Variants in SDK1 observed in about 807,000 individuals in gnomAD.
The protein encoded by SDK1 is sidekick cell adhesion molecule 1, also known as protein sidekick-1.
SDK1 carries 157 observed loss-of-function variants against 245.5 expected under a neutral mutation model. That is an observed-to-expected ratio of 0.64 (90% CI 0.56 to 0.73). SDK1 has a LOEUF of 0.73. Ranked by LOEUF, SDK1 falls within the 30% of genes least tolerant of loss-of-function variation. SDK1 has a pLI of 0.00. For synonymous variants in SDK1, 1,647 were observed against 1,278.5 expected (o/e 1.29, Z -6.15); for missense variants, 3,583 against 3,002.3 (o/e 1.19, Z -4.52).
At chr7:3,979,947 G>T (rs1206508519) in intron 13 of SDK1, among the ~76,000 whole-genome samples, 1 of 152,142 alleles carries the variant, frequency 6.6e-6, no homozygotes, top group Non-Finnish European at 1.5e-5. Context: ...AATTTACAGA[G>T]CTGACTTGGA....
intron 22 of SDK1, among the ~76,000 whole-genome samples, chr7:4,088,212 G>C (rs1781550143): frequency 6.6e-6 from 1 of 152,194 alleles, no homozygotes; most frequent in African/African-American, 2.4e-5. Flanking sequence ...TCTCTTGTTA[G>C]TTGGTTAGTT....
rs190230328 is a variant in SDK1 at position 3,314,024 on chromosome 7, C to T, written c.298+12140C>T. 1.3e-3 allele frequency among the ~76,000 whole-genome samples: 192 copies of T among 152,226 alleles called. 3 individuals are homozygous for T. Among genetic ancestry groups the T allele is most frequent in the African/African-American group, 4.5e-3 (186 of 41,526 alleles). On this transcript the variant is annotated intron_variant, in intron 1 of 44. Transcript: ENST00000404826. ...GTATAGTGATCAATAACAGTTGCTT[C>T]CTTCAGAGAGCTTATAGTTTATTAG...
At position 4,012,549 on chromosome 7, in the gene SDK1, CTTTTTTTTTTTTTTTTTTTTTTTTTTT is replaced by C. The variant is rs777199429; in HGVS notation, c.2420+331_2420+357del. On this transcript the variant is annotated intron_variant, in intron 16 of 44. Coordinates refer to ENST00000404826, the MANE Select transcript of SDK1 (RefSeq NM_152744.4). Reference sequence around the variant, plus strand: ...GCAAGGTATATTGTTCAATGTGAAGCTTTTTTTTTTTTTTTTTTTTTTTTTTTTTTTTTTTTTTTTTTTGATGGAGTT... The same window carrying C: ...GCAAGGTATATTGTTCAATGTGAAGCTTTTTTTTTTTTTTTTGATGGAGTT... Among the ~76,000 whole-genome samples the C allele has an allele frequency of 7.3e-4, 19 of 25,990 alleles. 1 individual carries two copies. In the East Asian group the frequency reaches 9.6e-3, roughly 13 times the overall value. 17.1% of individuals were successfully genotyped at this position (25,990 alleles called of 152,430 possible).
chr7:3,657,214 A>G (rs560337291), intron 4 of SDK1, among the ~76,000 whole-genome samples: 1 of 152,308 alleles, frequency 6.6e-6, no homozygotes, highest in Middle Eastern at 3.4e-3. Flanking sequence ...GGCTGGGGCC[A>G]TGAGGAGGCT....
chr7:3,443,101 T>C (rs1224810756), intron 1 of SDK1, among the ~76,000 whole-genome samples: 1 of 151,872 alleles, frequency 6.6e-6, no homozygotes, highest in Admixed American at 6.6e-5. Context: ...AAGAGAAAAG[T>C]TTCAGGGTTA....
intron 17 of SDK1, among the ~76,000 whole-genome samples, chr7:4,040,143 G>A (rs1056768271): frequency 8.5e-5 from 13 of 152,096 alleles, no homozygotes; most frequent in African/African-American, 3.1e-4. Context: ...GGGCTGTACC[G>A]GGCTTTATAA....
At chr7:3,559,762 A>T (rs1779692330) in intron 1 of SDK1, among the ~76,000 whole-genome samples, 1 of 151,800 alleles carries the variant, frequency 6.6e-6, no homozygotes, top group Non-Finnish European at 1.5e-5. Flanking sequence ...TTTTTCAAAA[A>T]AAAAAAAAAA....
intron 1 of SDK1, among the ~76,000 whole-genome samples, chr7:3,593,081 G>GC (rs1206966572): frequency 6.6e-6 from 1 of 152,208 alleles, no homozygotes; most frequent in African/African-American, 2.4e-5. Flanking sequence ...CCTCTGTCCT[G>GC]CTAATGGGGA....
intron 1 of SDK1, among the ~76,000 whole-genome samples, chr7:3,390,188 T>C (rs771786404): frequency 2.0e-5 from 3 of 152,192 alleles, no homozygotes; most frequent in Non-Finnish European, 4.4e-5. Context: ...AACTGTGGTC[T>C]GCAGCTTCAG....
At chr7:3,881,002 GAA>G (rs1193611102) in intron 5 of SDK1, among the ~76,000 whole-genome samples, 1 of 152,196 alleles carries the variant, frequency 6.6e-6, no homozygotes, top group African/African-American at 2.4e-5. Context: ...GAGAACAAAA[GAA>G]AAGAGAGACC....
intron 1 of SDK1, among the ~76,000 whole-genome samples, chr7:3,585,291 C>A (rs1432988895): frequency 6.6e-6 from 1 of 151,684 alleles, no homozygotes; most frequent in Non-Finnish European, 1.5e-5. Flanking sequence ...TTGTAATAGA[C>A]CAGACAAGAA....
At chr7:3,485,700 T>TTTTTTTTTTTTTTTTTTTTTTTTTTTC (rs1583931597) in intron 1 of SDK1, among the ~76,000 whole-genome samples, 1 of 144,944 alleles carries the variant, frequency 6.9e-6, no homozygotes, top group Non-Finnish European at 1.5e-5. Context: ...TTTTTTTTTT[T>TTTTTTTTTTTTTTTTTTTTTTTTTTTC]TTTTTGAGCC....
intron 1 of SDK1, among the ~76,000 whole-genome samples, chr7:3,559,646 G>A (rs1222813767): frequency 6.6e-6 from 1 of 150,860 alleles, no homozygotes; most frequent in Non-Finnish European, 1.5e-5. Context: ...CAGTAGTGTT[G>A]ACACAACTCA....
At chr7:3,767,543 C>G (rs577069402) in intron 4 of SDK1, among the ~76,000 whole-genome samples, 2 of 151,974 alleles carry the variant, frequency 1.3e-5, no homozygotes, top group Non-Finnish European at 2.9e-5. Context: ...CTTACATAGG[C>G]TTACTCTATG....
chr7:3,710,890 A>C (rs1785030081), intron 4 of SDK1, among the ~76,000 whole-genome samples: 1 of 152,220 alleles, frequency 6.6e-6, no homozygotes, highest in Non-Finnish European at 1.5e-5. Context: ...TACCTGGTTG[A>C]TATCTTTATT....
intron 4 of SDK1, among the ~76,000 whole-genome samples, chr7:3,740,202 G>A (rs552401503): frequency 3.9e-5 from 6 of 152,146 alleles, no homozygotes; most frequent in South Asian, 2.1e-4. Flanking sequence ...TACACTGTAC[G>A]TCAAATTGTA....
At chr7:3,655,194 G>A (rs1180807431) in intron 4 of SDK1, among the ~76,000 whole-genome samples, 1 of 151,580 alleles carries the variant, frequency 6.6e-6, no homozygotes, top group Admixed American at 6.6e-5. Flanking sequence ...AGCACTTTGG[G>A]AGGCTGAGGC....
intron 35 of SDK1, among the ~76,000 whole-genome samples, chr7:4,197,147 A>G (rs970092472): frequency 1.3e-5 from 2 of 152,102 alleles, no homozygotes; most frequent in African/African-American, 4.8e-5. Flanking sequence ...CAGGACAGAG[A>G]CTGGTGGTAC....
chr7:3,648,050 G>A (rs1260173136), intron 4 of SDK1, among the ~76,000 whole-genome samples: 1 of 152,114 alleles, frequency 6.6e-6, no homozygotes, highest in African/African-American at 2.4e-5. Flanking sequence ...TTATTTTTCT[G>A]ATTTACTGAG....
Sources: gnomAD v4.1 joint callset for allele counts (sites outside exome capture counted in the v4.1 genomes callset) on GRCh38, gnomAD v4.1.1 for gene constraint, MANE v1.5 for transcripts, NCBI Gene and HGNC (gene_info 2026-07-23, HGNC 2026-07-21) for gene names.